Variants in KIF26B observed in about 807,000 individuals in gnomAD.
KIF26B encodes kinesin-like protein KIF26B.
In KIF26B, 63 loss-of-function variants were observed where a neutral mutation model predicts 151.2. The observed-to-expected ratio is 0.42, with a 90% CI of 0.34 to 0.51. The LOEUF is 0.51. Ranked by LOEUF, KIF26B falls within the 20% of genes least tolerant of loss-of-function variation. KIF26B has a pLI of 0.07. For missense variants in KIF26B, 2,813 were observed against 2,913.6 expected, an observed-to-expected ratio of 0.97 and a Z score of 0.79; for synonymous variants, 1,357 against 1,262.1, an observed-to-expected ratio of 1.08 and a Z score of -1.59.
intron 4 of KIF26B, among the ~76,000 whole-genome samples, chr1:245,529,391 A>T (rs979587997): frequency 3.3e-5 from 5 of 152,218 alleles, no homozygotes; most frequent in African/African-American, 1.2e-4. Context: ...TATCAGAAAC[A>T]GAGGCAGAGG....
At chr1:245,294,150 G>A (rs1671299459) in intron 2 of KIF26B, among the ~76,000 whole-genome samples, 2 of 152,264 alleles carry the variant, frequency 1.3e-5, no homozygotes, top group Non-Finnish European at 2.9e-5. Flanking sequence ...ACGCTTAGAG[G>A]TTTTTCAGAG....
chr1:245,325,208 GCTT>G (rs1056487485), intron 2 of KIF26B, among the ~76,000 whole-genome samples: 5 of 151,872 alleles, frequency 3.3e-5, no homozygotes, highest in Admixed American at 1.3e-4. Context: ...GTGTACCCAT[GCTT>G]CTTTATATAT....
At chr1:245,485,818 G>A (rs959714823) in intron 4 of KIF26B, among the ~76,000 whole-genome samples, 1 of 152,210 alleles carries the variant, frequency 6.6e-6, no homozygotes, top group South Asian at 2.1e-4. Flanking sequence ...GAGGGCACAC[G>A]GTGCCCTTTC....
intron 10 of KIF26B, among the ~76,000 whole-genome samples, chr1:245,677,798 T>C (rs2044373980): frequency 6.6e-6 from 1 of 152,246 alleles, no homozygotes. Flanking sequence ...ATAAAGTGAT[T>C]TTCCCTTTTG....
At chr1:245,684,012 G>A (rs184802161) in intron 10 of KIF26B, among the ~76,000 whole-genome samples, 11 of 152,360 alleles carry the variant, frequency 7.2e-5, no homozygotes, top group Admixed American at 5.9e-4. Flanking sequence ...GCCAAGGGAG[G>A]TGCTTTGCAC....
In KIF26B at chr1:245,474,561, G is replaced by A. The variant is rs72635965; in HGVS notation, c.1166+54816G>A. Among the ~76,000 whole-genome samples, 376 of 151,116 alleles carry A rather than the reference G, an allele frequency of 2.5e-3. 12 individuals are homozygous for A. The East Asian group carries it at 0.057, about 23-fold the overall frequency. On this transcript the variant is annotated intron_variant, in intron 4 of 14. Transcript: ENST00000407071. ...CGAGTAGCTGGAATTACAGGCATGC[G>A]CCATCATGCCTGGCTTATTTTTTGC...
intron 2 of KIF26B, among the ~76,000 whole-genome samples, chr1:245,266,347 C>A (rs926571543): frequency 1.3e-5 from 2 of 152,174 alleles, no homozygotes; most frequent in African/African-American, 4.8e-5. Flanking sequence ...GCTGGCAGGA[C>A]TGTAATTTGG....
At chr1:245,341,470 C>G (rs1672333462) in intron 2 of KIF26B, among the ~76,000 whole-genome samples, 1 of 152,002 alleles carries the variant, frequency 6.6e-6, no homozygotes, top group African/African-American at 2.4e-5. Context: ...CAGGCACACA[C>G]CACCACTCTC....
Position 245,249,180 on chromosome 1 carries a change from C to T in KIF26B, c.465+92497C>T, listed in dbSNP as rs144268986. 4.4e-3 allele frequency among the ~76,000 whole-genome samples: 672 copies of T among 152,136 alleles called. 6 individuals carry two copies. The highest frequency in any genetic ancestry group is 0.024 in the South Asian group (114 of 4,818). On this transcript the variant is annotated intron_variant, in intron 2 of 14. Coordinates refer to ENST00000407071, the MANE Select transcript of KIF26B (RefSeq NM_018012.4). ...AGGCTGGAGAGCAGTGGCATGATCT[C>T]GGCTCACTGCAACCTCTACCTCCCA...
chr1:245,646,239 C>T lies in KIF26B; in HGVS notation c.2217C>T (p.Val739=). The T allele has an allele frequency of 6.2e-7, 1 of 1,613,952 alleles. No homozygotes were observed. Among genetic ancestry groups the T allele is most frequent in the Middle Eastern group, 1.7e-4 (1 of 6,058 alleles). ...LCLSLSALGN[V]ILALVNGSKH... ...TCTCGCTGTCTGCTCTGGGCAATGT[C>T]ATCCTGGCTCTCGTCAATGGCAGCA... Residue 739 remains valine, a synonymous_variant, in exon 10 of 15, where the codon GTC becomes GTT. Coordinates refer to ENST00000407071, the MANE Select transcript of KIF26B (RefSeq NM_018012.4).
At chr1:245,370,651 G>A (rs1673093331) in intron 3 of KIF26B, 2 of 456,426 alleles carry the variant, frequency 4.4e-6, no homozygotes, top group Admixed American at 4.7e-5. Context: ...GATGAGCGAG[G>A]ACAGAGGAGC....
At chr1:245,609,688 A>G (rs992922416) in intron 8 of KIF26B, among the ~76,000 whole-genome samples, 160 bp downstream of exon 8, 2 of 152,190 alleles carry the variant, frequency 1.3e-5, no homozygotes, top group Admixed American at 1.3e-4. Flanking sequence ...CTGTGGGGCC[A>G]TCGGCTTGCC....
At chr1:245,196,976 A>T (rs1238071986) in intron 2 of KIF26B, among the ~76,000 whole-genome samples, 19 of 152,144 alleles carry the variant, frequency 1.2e-4, no homozygotes, top group Non-Finnish European at 1.5e-5. Flanking sequence ...GCGGAAGAAC[A>T]ATTTTGAGAT....
intron 2 of KIF26B, among the ~76,000 whole-genome samples, chr1:245,305,005 G>A (rs1219941944): frequency 6.6e-6 from 1 of 152,086 alleles, no homozygotes; most frequent in African/African-American, 2.4e-5. Context: ...CAGAAGTGTG[G>A]GTATAGTGGA....
chr1:245,699,134 C>CA, intron 14 of KIF26B, 97 bp downstream of exon 14: 2 of 1,308,590 alleles, frequency 1.5e-6, no homozygotes, highest in Non-Finnish European at 2.1e-6. Context: ...CAGGCTGTGT[C>CA]CTCGTCCTCA....
chr1:245,300,700 T>C (rs2102977419), intron 2 of KIF26B, among the ~76,000 whole-genome samples: 1 of 151,244 alleles, frequency 6.6e-6, no homozygotes, highest in African/African-American at 2.4e-5. Context: ...GGCTAATTTT[T>C]GTGTTTTTAG....
intron 4 of KIF26B, among the ~76,000 whole-genome samples, chr1:245,425,856 C>T (rs900719376): frequency 6.6e-6 from 1 of 152,304 alleles, no homozygotes; most frequent in South Asian, 2.1e-4. Context: ...AGTTCCATGG[C>T]GTTGGTGAGC....
At chr1:245,251,511 A>G (rs190980781) in intron 2 of KIF26B, among the ~76,000 whole-genome samples, 6 of 152,320 alleles carry the variant, frequency 3.9e-5, no homozygotes, top group Admixed American at 3.9e-4. Flanking sequence ...CCCCATTCAT[A>G]AAGGTAGCTC....
intron 4 of KIF26B, among the ~76,000 whole-genome samples, chr1:245,465,136 A>G (rs552525558): frequency 4.7e-3 from 247 of 52,022 alleles, no homozygotes; most frequent in African/African-American, 0.021. Context: ...CCGCCACCAC[A>G]CCCGGCTAAT....
Sources: allele counts gnomAD v4.1 joint callset (sites outside exome capture counted in the v4.1 genomes callset), GRCh38; gene constraint gnomAD v4.1.1; transcripts MANE v1.5; gene names NCBI Gene and HGNC (gene_info 2026-07-23, HGNC 2026-07-21).